Variants in NRG3 observed in about 807,000 individuals in gnomAD.
The protein encoded by NRG3 is pro-neuregulin-3, membrane-bound isoform.
NRG3 carries 31 observed loss-of-function variants against 66.9 expected under a neutral mutation model. The observed-to-expected ratio is 0.46, with a 90% confidence interval of 0.35 to 0.63. The LOEUF (loss-of-function observed/expected upper bound fraction) is 0.63, where lower values mean the gene tolerates loss of function less well. Among genes scored for constraint, NRG3 ranks in the 20% least tolerant of loss-of-function variants. The probability of loss-of-function intolerance (pLI) is 0.00; values close to 1 mark genes in which losing one functional copy is unlikely to be tolerated. For missense variants in NRG3, 910 were observed against 878.9 expected, an observed-to-expected ratio of 1.04 and a Z score of -0.45; for synonymous variants, 393 against 359.4, an observed-to-expected ratio of 1.09 and a Z score of -1.06.
At chr10:82,965,366 C>G (rs1438671920) in intron 6 of NRG3, among the ~76,000 whole-genome samples, 1 of 152,108 alleles carries the variant, frequency 6.6e-6, no homozygotes, top group Non-Finnish European at 1.5e-5. Flanking sequence ...ACTGAAGATA[C>G]AATCTTAAGA....
intron 2 of NRG3, among the ~76,000 whole-genome samples, chr10:82,491,305 T>TATATATATAC (rs1564984910): frequency 7.4e-6 from 1 of 134,324 alleles, no homozygotes; most frequent in African/African-American, 2.5e-5. Context: ...TATATATATA[T>TATATATATAC]ATATATATAT....
At chr10:82,829,330 G>A (rs201820974) in intron 3 of NRG3, among the ~76,000 whole-genome samples, 7,018 of 152,184 alleles carry the variant, frequency 0.046, 219 homozygotes, top group African/African-American at 0.093. Context: ...AAGAATAATT[G>A]AACTCCTTTG....
intron 2 of NRG3, among the ~76,000 whole-genome samples, chr10:82,387,092 A>G (rs908132518): frequency 2.0e-5 from 3 of 152,162 alleles, no homozygotes; most frequent in Non-Finnish European, 2.9e-5. Context: ...AAGCCACCGC[A>G]CCCAGCCTTG....
chr10:81,910,859 T>C (rs1365043682), intron 1 of NRG3, among the ~76,000 whole-genome samples: 2 of 152,136 alleles, frequency 1.3e-5, no homozygotes, highest in Non-Finnish European at 2.9e-5. Context: ...AATCTTGCAA[T>C]GTTGCCCAGG....
chr10:82,398,531 G>GAGAC (rs2086875269), intron 2 of NRG3, among the ~76,000 whole-genome samples: 1 of 150,070 alleles, frequency 6.7e-6, no homozygotes, highest in Non-Finnish European at 1.5e-5. Context: ...GTGTGTGAGA[G>GAGAC]AGAGAGAGAG....
chr10:81,969,324 G>A (rs2059842658), intron 1 of NRG3, among the ~76,000 whole-genome samples: 1 of 152,310 alleles, frequency 6.6e-6, no homozygotes, highest in Admixed American at 6.5e-5. Flanking sequence ...CAAAATAACA[G>A]CTGTAAGTAA....
At chr10:82,982,224 G>T (rs1013861337) in intron 8 of NRG3, among the ~76,000 whole-genome samples, 7 of 152,178 alleles carry the variant, frequency 4.6e-5, no homozygotes, top group Admixed American at 3.9e-4. Context: ...GAACTGAGAT[G>T]GTTTGGAGTC....
chr10:82,149,804 C>A (rs1050535982), intron 1 of NRG3, among the ~76,000 whole-genome samples: 2 of 151,654 alleles, frequency 1.3e-5, no homozygotes, highest in South Asian at 2.1e-4. Context: ...CACACACTGT[C>A]TTGGTGCAGA....
At chr10:82,063,520 T>TTTG (rs1409371872) in intron 1 of NRG3, among the ~76,000 whole-genome samples, 9 of 151,734 alleles carry the variant, frequency 5.9e-5, no homozygotes, top group Non-Finnish European at 1.0e-4. Flanking sequence ...ATCTTTTTTT[T>TTTG]TTTGTCAGAT....
At chr10:82,107,485 C>T (rs1003858079) in intron 1 of NRG3, among the ~76,000 whole-genome samples, 1 of 152,088 alleles carries the variant, frequency 6.6e-6, no homozygotes, top group Admixed American at 6.6e-5. Context: ...TTTCTGGGTA[C>T]TCTCCACAGA....
intron 2 of NRG3, among the ~76,000 whole-genome samples, chr10:82,670,726 A>C (rs1420271508): frequency 1.3e-5 from 2 of 152,168 alleles, no homozygotes; most frequent in African/African-American, 4.8e-5. Flanking sequence ...TCTTCAAGAA[A>C]AAAAACAAAA....
intron 1 of NRG3, among the ~76,000 whole-genome samples, chr10:81,992,225 A>G (rs2060770309): frequency 6.6e-6 from 1 of 152,106 alleles, no homozygotes. Context: ...TATATATTTT[A>G]TTTATCAGAA....
chr10:82,284,012 A>G (rs2079269136), intron 1 of NRG3, among the ~76,000 whole-genome samples: 1 of 152,238 alleles, frequency 6.6e-6, no homozygotes, highest in African/African-American at 2.4e-5. Flanking sequence ...CATTGCGAGC[A>G]TTGCGATTTC....
intron 4 of NRG3, among the ~76,000 whole-genome samples, chr10:82,943,277 A>G (rs900811093): frequency 1.3e-5 from 2 of 152,240 alleles, no homozygotes; most frequent in Non-Finnish European, 2.9e-5. Context: ...AGGACAATGA[A>G]TAAGAGGATA....
At chr10:82,070,198 G>C (rs12264587) in intron 1 of NRG3, among the ~76,000 whole-genome samples, 4,524 of 152,174 alleles carry the variant, frequency 0.03, 237 homozygotes, top group African/African-American at 0.1. Flanking sequence ...TGATCTCCCT[G>C]TCTCCCCTCC....
chr10:81,899,603 G>C (rs1037853565), intron 1 of NRG3, among the ~76,000 whole-genome samples: 2 of 152,218 alleles, frequency 1.3e-5, no homozygotes, highest in African/African-American at 4.8e-5. Flanking sequence ...CTCCTGGAGA[G>C]TGTGTGTGTT....
intron 2 of NRG3, among the ~76,000 whole-genome samples, chr10:82,685,040 G>A (rs572669676): frequency 2.0e-5 from 3 of 152,042 alleles, no homozygotes; most frequent in East Asian, 1.9e-4. Flanking sequence ...AGTCATCTAC[G>A]AAGTAAGAAG....
chr10:82,398,261 T>C (rs2086843267), intron 2 of NRG3, among the ~76,000 whole-genome samples: 1 of 152,000 alleles, frequency 6.6e-6, no homozygotes, highest in Non-Finnish European at 1.5e-5. Context: ...AGCTAACAGG[T>C]CAGCTGTGGA....
chr10:82,411,467 T>A (rs2088081354), intron 2 of NRG3, among the ~76,000 whole-genome samples: 1 of 152,148 alleles, frequency 6.6e-6, no homozygotes, highest in Admixed American at 6.6e-5. Flanking sequence ...ACCTCAGGCA[T>A]GTCTCAGAGC....
Sources: allele counts gnomAD v4.1 joint callset (sites outside exome capture counted in the v4.1 genomes callset), GRCh38; gene constraint gnomAD v4.1.1; transcripts MANE v1.5; gene names NCBI Gene and HGNC (gene_info 2026-07-23, HGNC 2026-07-21).